ABR: variants seen among roughly 807,000 people sequenced by gnomAD.
ABR encodes active breakpoint cluster region-related protein.
A neutral mutation model predicts 107.2 loss-of-function variants in ABR; 35 were observed. The ratio of observed to expected loss-of-function variants is 0.33; its 90% CI spans 0.25 to 0.43. The LOEUF is 0.43. Ranked by LOEUF, ABR falls within the 20% of genes least tolerant of loss-of-function variation. The pLI is 1.00. For missense variants in ABR, 815 were observed against 1,115.2 expected, an observed-to-expected ratio of 0.73 and a Z score of 3.83; for synonymous variants, 498 against 462.0, an observed-to-expected ratio of 1.08 and a Z score of -1.00.
At chr17:1,223,597 C>G (rs1008447581) in intron 1 of ABR, among the ~76,000 whole-genome samples, 2 of 152,028 alleles carry the variant, frequency 1.3e-5, no homozygotes, top group Non-Finnish European at 2.9e-5. Context: ...AATAACAGCA[C>G]CTGTATTTGT....
Position 1,050,453 on chromosome 17 carries a change from C to T in ABR, c.1659+84G>A. The T allele has an allele frequency of 7.5e-7, 1 of 1,324,726 alleles. No homozygotes were observed. The highest frequency in any genetic ancestry group is 1.1e-6 in the Non-Finnish European group (1 of 918,876). The allele number at this position is 1,324,726 out of a possible 1,614,324, so 82.1% of individuals were successfully genotyped here. On this transcript the variant is annotated intron_variant, in intron 15 of 22. Coordinates refer to ENST00000302538, the MANE Select transcript of ABR (RefSeq NM_021962.5). The surrounding 1 kb of genome is among the most constrained non-coding windows in gnomAD (Gnocchi z 4.6). ...GGGGGTGCAGACATAGCTGGTCCAA[C>T]CAATGGGCTGGCCGTCCCCAGCAGA... is the stretch of plus-strand genomic sequence containing the variant.
rs1398389081 is a variant in ABR, at chr17:1,027,152, G to A, written c.1792-13988C>T. ...ACTACAGCAACACTGGGCTCAGGCA[G>A]CTTTGGCCTTTGAGGAACCCCCTTG... On this transcript the variant is annotated intron_variant, in intron 16 of 22. Transcript: ENST00000302538. This position sits in a 1 kb window ranked among gnomAD's most constrained non-coding sequence, Gnocchi z 4.7. 6.6e-6 allele frequency among the ~76,000 whole-genome samples: 1 copy of A among 152,246 alleles called. No homozygotes were observed. The highest frequency in any genetic ancestry group is 6.5e-5 in the Admixed American group (1 of 15,288).
Position 1,100,754 on chromosome 17 carries a change from C to T in ABR, c.247-19G>A, listed in dbSNP as rs368633913. The T allele has an allele frequency of 2.5e-6, 4 of 1,613,068 alleles. No homozygotes were observed. The African/African-American group carries it at 5.3e-5, about 22-fold the overall frequency. On this transcript the variant is annotated intron_variant, in intron 2 of 22. Coordinates refer to ENST00000302538, the MANE Select transcript of ABR (RefSeq NM_021962.5). ...CTTCCACCTGCACAAACGCAAAGCA[C>T]AGCCAACAGCTCATGAGCAAGGAGG...
chr17:1,023,163 G>A, intron 16 of ABR, among the ~76,000 whole-genome samples: 1 of 151,742 alleles, frequency 6.6e-6, no homozygotes, highest in South Asian at 2.1e-4. Flanking sequence ...GCCTCTGCCG[G>A]CCCCACGTCC....
chr17:1,012,977 G>C lies in ABR; in HGVS notation c.1851+128C>G, dbSNP rs1031706999. On this transcript the variant is annotated intron_variant, in intron 17 of 22. Transcript: ENST00000302538. ...GGGTGTGGGCAGGAGGGGAGAGGGG[G>C]CTGGGCTGCGGGGAGGTCGAGGCGG... is the stretch of plus-strand genomic sequence containing the variant. The C allele has an allele frequency of 1.1e-5, 13 of 1,209,618 alleles. 1 individual carries two copies. The South Asian group carries it at 1.5e-4, about 14-fold the overall frequency. The allele number at this position is 1,209,618 out of a possible 1,614,324, so 74.9% of individuals were successfully genotyped here. A position where few individuals can be genotyped will look rare whatever the true frequency, so the allele number is the denominator to read the frequency against.
At chr17:1,168,873 C>A (rs927925028) in intron 1 of ABR, among the ~76,000 whole-genome samples, 1 of 152,242 alleles carries the variant, frequency 6.6e-6, no homozygotes, top group African/African-American at 2.4e-5. Flanking sequence ...AGATTCTACA[C>A]CCAAAGATGG....
intron 1 of ABR, among the ~76,000 whole-genome samples, chr17:1,199,965 G>A (rs1421893695): frequency 6.7e-6 from 1 of 148,290 alleles, no homozygotes; most frequent in Non-Finnish European, 1.5e-5. Context: ...GGGTACATGT[G>A]CACAACGTGC....
chr17:1,055,271 G>C (rs1387641983), intron 14 of ABR: 1 of 152,182 alleles, frequency 6.6e-6, no homozygotes, highest in Non-Finnish European at 1.5e-5. Context: ...AACAGATTTA[G>C]TATGAGGAAC....
intron 1 of ABR, among the ~76,000 whole-genome samples, chr17:1,176,747 T>C (rs1285025370): frequency 1.3e-5 from 2 of 151,902 alleles, no homozygotes; most frequent in African/African-American, 4.8e-5. Context: ...CTCAGGAGGC[T>C]GAGGCAGGGG....
intron 10 of ABR, among the ~76,000 whole-genome samples, chr17:1,059,327 C>G (rs1040578983): frequency 6.6e-6 from 1 of 152,230 alleles, no homozygotes; most frequent in African/African-American, 2.4e-5. Flanking sequence ...TCTTTCCATT[C>G]CTGCCTCCTG....
chr17:1,038,694 G>A (rs540160175), intron 16 of ABR, among the ~76,000 whole-genome samples: 2 of 152,368 alleles, frequency 1.3e-5, no homozygotes, highest in Admixed American at 6.5e-5. Flanking sequence ...GCCACGAGGG[G>A]CTGCTGTGAG....
intron 1 of ABR, among the ~76,000 whole-genome samples, chr17:1,156,736 A>G (rs2083811): frequency 6.6e-6 from 1 of 152,080 alleles, no homozygotes; most frequent in African/African-American, 2.4e-5. Flanking sequence ...TCCTCTTAAC[A>G]ATTACTTGGT....
chr17:1,044,567 C>A (rs898136445), intron 16 of ABR, among the ~76,000 whole-genome samples: 1 of 151,670 alleles, frequency 6.6e-6, no homozygotes, highest in Non-Finnish European at 1.5e-5. Flanking sequence ...AGGAGAATGG[C>A]GTGAACCTGG....
chr17:1,229,391 C>A (rs954272191), exon 1 of ABR, among the ~76,000 whole-genome samples: 1 of 145,018 alleles, frequency 6.9e-6, no homozygotes, highest in African/African-American at 2.7e-5. Flanking sequence ...GAGACTCGGC[C>A]TCGGGGTCGG....
At chr17:1,151,825 C>G (rs2040805231) in intron 1 of ABR, among the ~76,000 whole-genome samples, 2 of 152,232 alleles carry the variant, frequency 1.3e-5, no homozygotes, top group African/African-American at 4.8e-5. Flanking sequence ...GACATCCATC[C>G]CGGCTAACAC....
In ABR at chr17:1,033,310, C is replaced by G. The variant is rs571367260; in HGVS notation, c.1791+16740G>C. 3.9e-5 allele frequency among the ~76,000 whole-genome samples: 6 copies of G among 152,292 alleles called. No homozygotes were observed. In the East Asian group the frequency reaches 9.7e-4, roughly 25 times the overall value. ...GACAGCCGTAGTCAGAGCTGTCCTT[C>G]GTGGAAGGCTGGCAGGGACCAGGCA... On this transcript the variant is annotated intron_variant, in intron 16 of 22. Coordinates refer to ENST00000302538, the MANE Select transcript of ABR (RefSeq NM_021962.5).
At chr17:1,020,786 A>T (rs1398961523) in intron 16 of ABR, among the ~76,000 whole-genome samples, 1 of 152,134 alleles carries the variant, frequency 6.6e-6, no homozygotes, top group African/African-American at 2.4e-5. Flanking sequence ...CATCCTGGGG[A>T]TGCCCCTGAG....
At chr17:1,226,570 G>A (rs1011821188) in intron 1 of ABR, among the ~76,000 whole-genome samples, 17 of 151,886 alleles carry the variant, frequency 1.1e-4, no homozygotes, top group Non-Finnish European at 1.9e-4. Flanking sequence ...GCAGGTATGT[G>A]TGTGCATGCA....
intron 2 of ABR, among the ~76,000 whole-genome samples, chr17:1,118,313 C>G: frequency 1.6e-5 from 1 of 64,140 alleles, no homozygotes; most frequent in African/African-American, 7.1e-5. Context: ...GAGTTCTCCC[C>G]AGCGTTATCC....
Sources: allele counts gnomAD v4.1 joint callset (sites outside exome capture counted in the v4.1 genomes callset), GRCh38; gene constraint gnomAD v4.1.1; non-coding constraint Gnocchi (gnomAD v3.1); transcripts MANE v1.5; gene names NCBI Gene and HGNC (gene_info 2026-07-23, HGNC 2026-07-21).